MBNL2: variants seen among roughly 807,000 people sequenced by gnomAD.
The protein encoded by MBNL2 is muscleblind like splicing regulator 2, also known as muscleblind-like protein 2.
In MBNL2, 17 loss-of-function variants were observed where a neutral mutation model predicts 41.9. That is an observed-to-expected ratio of 0.41 (90% CI 0.28 to 0.61). The LOEUF is 0.61. Among genes scored for constraint, MBNL2 ranks in the 20% least tolerant of loss-of-function variants. The pLI, the probability that MBNL2 is intolerant of heterozygous loss-of-function variation, is 0.35. For synonymous variants in MBNL2, 195 were observed against 182.9 expected (o/e 1.07, Z -0.53); for missense variants, 336 against 505.6 (o/e 0.66, Z 3.22).
intron 2 of MBNL2, among the ~76,000 whole-genome samples, chr13:97,285,650 A>ATTTAACC (rs1221576552): frequency 6.6e-6 from 1 of 152,214 alleles, no homozygotes; most frequent in Non-Finnish European, 1.5e-5. Context: ...AGACTGCCAT[A>ATTTAACC]TTTAACCTCT....
At position 97,321,678 on chromosome 13, in the gene MBNL2, C is replaced by T. The variant is rs1319192193; in HGVS notation, c.175-12598C>T. Among the ~76,000 whole-genome samples the T allele has an allele frequency of 3.9e-5, 6 of 152,096 alleles. No homozygotes were observed. The South Asian group carries it at 1.0e-3, about 26-fold the overall frequency. ...TTTCCTTACCTTTAAATTGGGGTAA[C>T]AGAAAACAAGAATATTGTGAAGGTC... On this transcript the variant is annotated intron_variant, in intron 2 of 8. Transcript: ENST00000679496.
chr13:97,162,534 A>C, the MBNL2 span, among the ~76,000 whole-genome samples: 1 of 152,224 alleles, frequency 6.6e-6, no homozygotes, highest in East Asian at 1.9e-4. Flanking sequence ...TTATGGCTGC[A>C]GTTCCTGCTG....
intron 4 of MBNL2, among the ~76,000 whole-genome samples, chr13:97,344,660 C>T (rs760841467): frequency 6.6e-6 from 1 of 152,160 alleles, no homozygotes; most frequent in Non-Finnish European, 1.5e-5. Context: ...TTGAAAAGAT[C>T]CAGCCTACCC....
At chr13:97,301,032 C>T (rs2057569182) in intron 2 of MBNL2, among the ~76,000 whole-genome samples, 2 of 152,164 alleles carry the variant, frequency 1.3e-5, no homozygotes. Context: ...ATAACAAGGG[C>T]AGTTGATGTG....
intron 2 of MBNL2, among the ~76,000 whole-genome samples, chr13:97,289,255 A>G (rs1479563284): frequency 6.6e-6 from 1 of 152,248 alleles, no homozygotes; most frequent in East Asian, 1.9e-4. Flanking sequence ...CTCTTAAAAA[A>G]TGACCATCTG....
At chr13:97,349,764 CTCT>C (rs1298394059) in intron 5 of MBNL2, among the ~76,000 whole-genome samples, 1 of 152,176 alleles carries the variant, frequency 6.6e-6, no homozygotes, top group African/African-American at 2.4e-5. Context: ...ACAGGTCACT[CTCT>C]TCTTTCCCCT....
At chr13:97,316,932 A>G (rs548482530) in intron 2 of MBNL2, among the ~76,000 whole-genome samples, 1 of 152,344 alleles carries the variant, frequency 6.6e-6, no homozygotes, top group Non-Finnish European at 1.5e-5. Context: ...TCCCTGGAAC[A>G]CTGCCTGGCC....
At chr13:97,289,673 C>G (rs1293361643) in intron 2 of MBNL2, among the ~76,000 whole-genome samples, 1 of 152,190 alleles carries the variant, frequency 6.6e-6, no homozygotes, top group Non-Finnish European at 1.5e-5. Flanking sequence ...GTGCCAAGCA[C>G]TATGTTTGGT....
At chr13:97,295,373 T>G (rs1317241405) in intron 2 of MBNL2, among the ~76,000 whole-genome samples, 12 of 152,056 alleles carry the variant, frequency 7.9e-5, no homozygotes. Context: ...CAAGCAGAAC[T>G]AATTGCTAAA....
chr13:97,342,956 G>A, intron 3 of MBNL2, 60 bp from the exon 4 acceptor site: 3 of 1,065,458 alleles, frequency 2.8e-6, no homozygotes, highest in Non-Finnish European at 4.4e-6. Flanking sequence ...ACATTTGCTG[G>A]TAATTTTTTA....
chr13:97,261,861 C>T (rs749748213), intron 1 of MBNL2, among the ~76,000 whole-genome samples: 1 of 152,216 alleles, frequency 6.6e-6, no homozygotes, highest in Non-Finnish European at 1.5e-5. Flanking sequence ...ATGAGTGTCT[C>T]GTTTCCTCGC....
At position 97,259,120 on chromosome 13, in the gene MBNL2, G is replaced by A. The variant is rs544439292; in HGVS notation, c.-604-16512G>A. On this transcript the variant is annotated intron_variant, in intron 1 of 8. Coordinates refer to ENST00000679496, the MANE Select transcript of MBNL2 (RefSeq NM_001382683.1). ...TCTCAGACTCTGAGCAATCTTTTCTGCTGATGGCCTTCAGGACCCAGCACT... is the reference window on the plus strand; with the variant it reads ...TCTCAGACTCTGAGCAATCTTTTCTACTGATGGCCTTCAGGACCCAGCACT... Among the ~76,000 whole-genome samples, 12 of 152,258 alleles carry A rather than the reference G, an allele frequency of 7.9e-5. No homozygotes were observed. In the South Asian group the frequency reaches 2.5e-3, roughly 32 times the overall value.
At chr13:97,328,340 A>AT (rs2060088623) in intron 2 of MBNL2, among the ~76,000 whole-genome samples, 1 of 152,094 alleles carries the variant, frequency 6.6e-6, no homozygotes, top group Non-Finnish European at 1.5e-5. Context: ...CTCTTCCATG[A>AT]TTTTCCCTGG....
At chr13:97,376,637 A>G (rs1339971132) in intron 8 of MBNL2, among the ~76,000 whole-genome samples, 1 of 152,150 alleles carries the variant, frequency 6.6e-6, no homozygotes, top group Admixed American at 6.5e-5. Context: ...TGCTTGCTGC[A>G]ATGCATTTCT....
chr13:97,181,848 C>CTTG, the MBNL2 span, among the ~76,000 whole-genome samples: 1 of 152,166 alleles, frequency 6.6e-6, no homozygotes, highest in Admixed American at 6.5e-5. Context: ...CAATGAGCTA[C>CTTG]TTGTGAAAGC....
rs1475990790 is a variant in MBNL2, at chr13:97,392,377, A to T, written c.*928A>T. 1 of 152,638 alleles carries T rather than the reference A, an allele frequency of 6.6e-6. No individual in the cohort carries two copies. The highest frequency in any genetic ancestry group is 1.5e-5 in the Non-Finnish European group (1 of 68,020). The allele number at this position is 152,638 out of a possible 1,614,324, so 9.5% of individuals were successfully genotyped here. On this transcript the variant is annotated 3_prime_UTR_variant, in exon 9 of 9. Transcript: ENST00000679496. ...TTTGACTGTGACTTTAATCTAAATT[A>T]CTATGTAAACAAAAAGTAGATAGTT... is the stretch of plus-strand genomic sequence containing the variant.
the MBNL2 span, among the ~76,000 whole-genome samples, chr13:97,148,181 C>A: frequency 6.6e-6 from 1 of 152,188 alleles, no homozygotes; most frequent in Admixed American, 6.5e-5. Flanking sequence ...CCAGTTGAGA[C>A]CTCTGGGAAG....
chr13:97,201,178 G>T, the MBNL2 span, among the ~76,000 whole-genome samples: 1 of 152,106 alleles, frequency 6.6e-6, no homozygotes, highest in African/African-American at 2.4e-5. Context: ...AAACGAGCTG[G>T]GGTCAGAGTC....
the MBNL2 span, among the ~76,000 whole-genome samples, chr13:97,169,961 G>C: frequency 2.6e-5 from 4 of 152,140 alleles, no homozygotes; most frequent in Non-Finnish European, 5.9e-5. Flanking sequence ...AAAAGATCCA[G>C]TTGCTAATAA....
Sources: gnomAD v4.1 joint callset for allele counts (sites outside exome capture counted in the v4.1 genomes callset) on GRCh38, gnomAD v4.1.1 for gene constraint, MANE v1.5 for transcripts, NCBI Gene and HGNC (gene_info 2026-07-23, HGNC 2026-07-21) for gene names.